The following GMDS variants were observed in gnomAD, a reference collection of about 807,000 sequenced individuals.
The protein encoded by GMDS is GDP-mannose 4,6-dehydratase, also known as GDP-mannose 4,6 dehydratase.
GMDS carries 20 observed loss-of-function variants against 49.9 expected under a neutral mutation model. That is an observed-to-expected ratio of 0.40 (90% CI 0.28 to 0.58). The LOEUF (loss-of-function observed/expected upper bound fraction) is 0.58. GMDS is among the 20% of genes least tolerant of loss of function. The pLI is 0.42. For synonymous variants in GMDS, 177 were observed against 178.6 expected (o/e 0.99, Z 0.07); for missense variants, 362 against 481.4 (o/e 0.75, Z 2.32).
At chr6:1,854,435 C>T (rs1757853352) in intron 7 of GMDS, among the ~76,000 whole-genome samples, 1 of 152,222 alleles carries the variant, frequency 6.6e-6, no homozygotes, top group African/African-American at 2.4e-5. Flanking sequence ...TCATGTCCTC[C>T]AGCACTATTT....
chr6:1,937,125 G>T (rs1762591850), intron 6 of GMDS, among the ~76,000 whole-genome samples: 2 of 152,128 alleles, frequency 1.3e-5, no homozygotes, highest in African/African-American at 4.8e-5. Flanking sequence ...GTCCCAGTTT[G>T]TAGCCTAGCA....
At chr6:2,202,370 G>A (rs1308833458) in intron 1 of GMDS, among the ~76,000 whole-genome samples, 1 of 150,394 alleles carries the variant, frequency 6.6e-6, no homozygotes, top group Admixed American at 6.8e-5. Context: ...GGCAGTGAGG[G>A]CAGCATGTCC....
chr6:2,193,985 G>A (rs1779170966), intron 1 of GMDS, among the ~76,000 whole-genome samples: 1 of 151,890 alleles, frequency 6.6e-6, no homozygotes, highest in South Asian at 2.1e-4. Flanking sequence ...GCCTCCCAAA[G>A]TGCTGGATTA....
chr6:2,193,206 T>C (rs9503120), intron 1 of GMDS, among the ~76,000 whole-genome samples: 1 of 152,196 alleles, frequency 6.6e-6, no homozygotes, highest in African/African-American at 2.4e-5. Context: ...CTGCTGAATA[T>C]TCACGTGGGT....
At chr6:2,212,618 G>A (rs1371117639) in intron 1 of GMDS, among the ~76,000 whole-genome samples, 1 of 145,288 alleles carries the variant, frequency 6.9e-6, no homozygotes, top group Non-Finnish European at 1.5e-5. Flanking sequence ...AATTGCTGGA[G>A]AAAACATCCT....
At chr6:2,089,945 A>G (rs1337239700) in intron 4 of GMDS, among the ~76,000 whole-genome samples, 3 of 152,152 alleles carry the variant, frequency 2.0e-5, no homozygotes, top group Non-Finnish European at 4.4e-5. Context: ...CCATAAATCT[A>G]AGAATGTGAC....
intron 7 of GMDS, among the ~76,000 whole-genome samples, chr6:1,814,056 G>C (rs1191669531): frequency 6.6e-6 from 1 of 152,218 alleles, no homozygotes; most frequent in African/African-American, 2.4e-5. Context: ...TTTGTGATTT[G>C]TGTTTCCACT....
chr6:2,240,782 A>G (rs1472653220), intron 1 of GMDS, among the ~76,000 whole-genome samples: 2 of 152,186 alleles, frequency 1.3e-5, no homozygotes, highest in East Asian at 1.9e-4. Context: ...CCATCATCAT[A>G]CCACTAGACT....
chr6:2,192,261 C>T lies in GMDS; in HGVS notation c.102+53060G>A, dbSNP rs999231546. ...TCTCTGCTAGGAGCTGAACACTCAT[C>T]GGGACACCCTGGCTATGGAGAGGAG... On this transcript the variant is annotated intron_variant, in intron 1 of 10. Transcript: ENST00000380815. 3.2e-4 allele frequency among the ~76,000 whole-genome samples: 48 copies of T among 151,814 alleles called. 1 individual carries two copies. Among genetic ancestry groups the T allele is most frequent in the African/African-American group, 1.0e-3 (42 of 41,404 alleles).
intron 7 of GMDS, among the ~76,000 whole-genome samples, chr6:1,843,736 T>A (rs1344116336): frequency 1.3e-5 from 2 of 152,152 alleles, no homozygotes; most frequent in Non-Finnish European, 2.9e-5. Flanking sequence ...CCACTGCAAC[T>A]CCAGCCTGGA....
intron 4 of GMDS, among the ~76,000 whole-genome samples, chr6:2,101,018 C>T (rs1773892866): frequency 6.6e-6 from 1 of 151,654 alleles, no homozygotes; most frequent in Non-Finnish European, 1.5e-5. Context: ...TTGTATTAAA[C>T]ATTTCATGTG....
At chr6:2,200,281 T>C (rs1779451537) in intron 1 of GMDS, among the ~76,000 whole-genome samples, 1 of 152,018 alleles carries the variant, frequency 6.6e-6, no homozygotes, top group Admixed American at 6.6e-5. Flanking sequence ...GGAGCCTCAG[T>C]AGAAGATGAC....
intron 8 of GMDS, among the ~76,000 whole-genome samples, chr6:1,728,567 G>A (rs142137405): frequency 1.5e-3 from 235 of 152,242 alleles, no homozygotes; most frequent in Non-Finnish European, 2.9e-3. Flanking sequence ...ATGAGAACTG[G>A]TGATTCAAAT....
At chr6:2,005,945 G>C (rs1307904003) in intron 4 of GMDS, among the ~76,000 whole-genome samples, 1 of 152,086 alleles carries the variant, frequency 6.6e-6, no homozygotes, top group African/African-American at 2.4e-5. Flanking sequence ...CCCAATGTCT[G>C]TCTCTGTCCC....
At chr6:2,231,065 T>C (rs754791170) in intron 1 of GMDS, among the ~76,000 whole-genome samples, 91 of 150,882 alleles carry the variant, frequency 6.0e-4, no homozygotes, top group Non-Finnish European at 1.1e-3. Context: ...AACAACAAGA[T>C]CTGTCACCAC....
intron 1 of GMDS, among the ~76,000 whole-genome samples, chr6:2,134,107 C>A (rs181640546): frequency 9.2e-5 from 14 of 152,332 alleles, no homozygotes; most frequent in Non-Finnish European, 5.9e-5. Flanking sequence ...CATGCTTGTG[C>A]AGCTGTCTTC....
At chr6:1,906,731 G>C (rs750388990) in intron 7 of GMDS, among the ~76,000 whole-genome samples, 1 of 152,160 alleles carries the variant, frequency 6.6e-6, no homozygotes, top group African/African-American at 2.4e-5. Flanking sequence ...TGTGCTAGAG[G>C]GCAGGGAGGG....
At chr6:1,728,098 G>A (rs191063445) in intron 8 of GMDS, among the ~76,000 whole-genome samples, 1 of 152,302 alleles carries the variant, frequency 6.6e-6, no homozygotes, top group African/African-American at 2.4e-5. Flanking sequence ...GGATGTTTTG[G>A]AGCATGGAGA....
chr6:2,102,651 C>T (rs1287969267), intron 4 of GMDS, among the ~76,000 whole-genome samples: 1 of 152,172 alleles, frequency 6.6e-6, no homozygotes, highest in Non-Finnish European at 1.5e-5. Context: ...AAAAAGTACG[C>T]AGTCACCTGC....
Sources: gnomAD v4.1 joint callset for allele counts (sites outside exome capture counted in the v4.1 genomes callset) on GRCh38, gnomAD v4.1.1 for gene constraint, MANE v1.5 for transcripts, NCBI Gene and HGNC (gene_info 2026-07-23, HGNC 2026-07-21) for gene names.